Variants in ACER3 observed in about 807,000 individuals in gnomAD.
ACER3 encodes the protein alkCDase 3.
Under a neutral mutation model 48.9 loss-of-function variants are expected in ACER3, and 16 were observed. That is an observed-to-expected ratio of 0.33 (90% CI 0.22 to 0.50). The LOEUF is 0.50. ACER3 is among the 20% of genes least tolerant of loss of function. The probability of loss-of-function intolerance (pLI) is 0.98; values close to 1 mark genes in which losing one functional copy is unlikely to be tolerated. For synonymous variants in ACER3, 109 were observed against 107.8 expected (o/e 1.01, Z -0.07); for missense variants, 227 against 326.0 (o/e 0.70, Z 2.34).
chr11:76,985,247 G>A (rs945345935), intron 4 of ACER3, among the ~76,000 whole-genome samples: 2 of 152,118 alleles, frequency 1.3e-5, no homozygotes, highest in East Asian at 1.9e-4. Flanking sequence ...GGGACTACAG[G>A]TGTACACCAC....
At chr11:76,970,380 A>G (rs1948266019) in intron 3 of ACER3, among the ~76,000 whole-genome samples, 1 of 152,246 alleles carries the variant, frequency 6.6e-6, no homozygotes, top group Non-Finnish European at 1.5e-5. Flanking sequence ...TCTGAATTTA[A>G]TATTATGAAA....
At chr11:76,923,590 A>G (rs1296262858) in intron 1 of ACER3, among the ~76,000 whole-genome samples, 1 of 152,126 alleles carries the variant, frequency 6.6e-6, no homozygotes, top group African/African-American at 2.4e-5. Context: ...TAACTTTTGT[A>G]TTAGTATAAA....
intron 7 of ACER3, among the ~76,000 whole-genome samples, chr11:77,002,756 A>G (rs1292792360): frequency 2.0e-5 from 3 of 152,214 alleles, no homozygotes; most frequent in African/African-American, 2.4e-5. Flanking sequence ...TTTTAAAATT[A>G]CACATTTTAA....
chr11:76,900,228 C>T (rs1004631045), intron 1 of ACER3, among the ~76,000 whole-genome samples: 6 of 151,974 alleles, frequency 3.9e-5, no homozygotes, highest in African/African-American at 1.2e-4. Flanking sequence ...TTGTCATGAA[C>T]GTCTTCATCC....
At chr11:76,932,216 C>T (rs905298314) in intron 2 of ACER3, among the ~76,000 whole-genome samples, 7 of 152,260 alleles carry the variant, frequency 4.6e-5, no homozygotes, top group Middle Eastern at 3.4e-3. Context: ...TCCCAAAGTG[C>T]TGGGATTACA....
chr11:76,942,906 T>A (rs1947373623), intron 2 of ACER3, among the ~76,000 whole-genome samples: 1 of 152,058 alleles, frequency 6.6e-6, no homozygotes, highest in South Asian at 2.1e-4. Context: ...CTTCCTGGTT[T>A]AGTTTGGGGA....
At chr11:76,930,479 G>A (rs12794089) in intron 2 of ACER3, among the ~76,000 whole-genome samples, 9,274 of 126,160 alleles carry the variant, frequency 0.074, 322 homozygotes, top group Middle Eastern at 0.14. Flanking sequence ...GTTCTGCTCT[G>A]ATCTTAGTTA....
intron 1 of ACER3, among the ~76,000 whole-genome samples, chr11:76,912,708 G>GTT (rs1946414807): frequency 3.3e-5 from 5 of 151,692 alleles, no homozygotes; most frequent in African/African-American, 1.2e-4. Flanking sequence ...TTTTTCTCTT[G>GTT]TGTTTATATA....
At chr11:76,891,907 T>C (rs1485097104) in intron 1 of ACER3, among the ~76,000 whole-genome samples, 3 of 152,268 alleles carry the variant, frequency 2.0e-5, no homozygotes, top group African/African-American at 4.8e-5. Flanking sequence ...CAGAATTATA[T>C]AGTTGGATTG....
chr11:76,896,873 A>G (rs1034634309), intron 1 of ACER3, among the ~76,000 whole-genome samples: 2 of 152,192 alleles, frequency 1.3e-5, no homozygotes, highest in Non-Finnish European at 2.9e-5. Flanking sequence ...TGGTTGAAGT[A>G]TTTAAAGAAA....
intron 1 of ACER3, among the ~76,000 whole-genome samples, chr11:76,903,962 A>G (rs1287609930): frequency 6.6e-6 from 1 of 152,020 alleles, no homozygotes; most frequent in African/African-American, 2.4e-5. Context: ...CATAACAAGA[A>G]CTTGTTATTG....
chr11:76,879,288 A>C (rs1000787604), intron 1 of ACER3, among the ~76,000 whole-genome samples: 1 of 152,120 alleles, frequency 6.6e-6, no homozygotes, highest in African/African-American at 2.4e-5. Context: ...TCTCAGATTT[A>C]TTGTCACATA....
At chr11:76,960,136 C>T (rs1175696322) in intron 3 of ACER3, among the ~76,000 whole-genome samples, 3 of 151,984 alleles carry the variant, frequency 2.0e-5, no homozygotes, top group South Asian at 2.1e-4. Context: ...TTTGGCTGGG[C>T]GCGGTGGCTC....
At chr11:76,922,273 C>A (rs146728603) in intron 1 of ACER3, among the ~76,000 whole-genome samples, 2 of 152,218 alleles carry the variant, frequency 1.3e-5, no homozygotes. Flanking sequence ...TCCCTGCCTC[C>A]AGGTAATTTG....
rs1257274563 is a variant in ACER3, at chr11:76,892,147, G to A, written c.103+31068G>A. On this transcript the variant is annotated intron_variant, in intron 1 of 10. Transcript: ENST00000532485. ...TGGAAAAATTTCTTAACCTCGTTGG[G>A]CCTCAAGTGTTCTAATATGTAGAAT... 5.3e-5 allele frequency among the ~76,000 whole-genome samples: 8 copies of A among 151,952 alleles called. No individual in the cohort carries two copies. The East Asian group carries it at 1.5e-3, about 29-fold the overall frequency.
chr11:76,927,800 TA>T (rs1419032572), intron 2 of ACER3, among the ~76,000 whole-genome samples: 1 of 152,182 alleles, frequency 6.6e-6, no homozygotes, highest in African/African-American at 2.4e-5. Flanking sequence ...CATCCTTTTT[TA>T]ATGGCTGCAT....
chr11:76,893,169 A>G (rs1165067202), intron 1 of ACER3, among the ~76,000 whole-genome samples: 1 of 152,198 alleles, frequency 6.6e-6, no homozygotes, highest in African/African-American at 2.4e-5. Flanking sequence ...ACAAATGGAA[A>G]GACATCCCAC....
intron 1 of ACER3, among the ~76,000 whole-genome samples, chr11:76,878,270 C>T (rs1590870876): frequency 6.6e-6 from 1 of 151,820 alleles, no homozygotes; most frequent in Admixed American, 6.6e-5. Context: ...CGGTTTTTGC[C>T]ATTACTTTCA....
chr11:77,004,085 G>A (rs1292105162), intron 7 of ACER3, among the ~76,000 whole-genome samples: 1 of 152,156 alleles, frequency 6.6e-6, no homozygotes. Flanking sequence ...CTGTTGGTTG[G>A]TGGTTGTGTC....
Sources: allele counts gnomAD v4.1 joint callset (sites outside exome capture counted in the v4.1 genomes callset), GRCh38; gene constraint gnomAD v4.1.1; transcripts MANE v1.5; gene names NCBI Gene and HGNC (gene_info 2026-07-23, HGNC 2026-07-21).